Variants in YLPM1 observed in about 807,000 individuals in gnomAD.
YLPM1 encodes YLP motif-containing protein 1.
YLPM1 carries 99 observed loss-of-function variants against 230.0 expected under a neutral mutation model. The ratio of observed to expected loss-of-function variants is 0.43; its 90% CI spans 0.37 to 0.51. YLPM1 has a LOEUF of 0.51. Ranked by LOEUF, YLPM1 falls within the 20% of genes least tolerant of loss-of-function variation. The probability of loss-of-function intolerance (pLI) is 0.00; values close to 1 mark genes in which losing one functional copy is unlikely to be tolerated. For synonymous variants in YLPM1, 984 were observed against 942.5 expected, an observed-to-expected ratio of 1.04 and a Z score of -0.81; for missense variants, 2,592 against 2,707.7, an observed-to-expected ratio of 0.96 and a Z score of 0.95.
chr14:74,816,261 T>C lies in YLPM1; in HGVS notation c.5561T>C (p.Ile1854Thr). Residue 1854 changes from isoleucine (I) to threonine (T), a missense_variant, in exon 12 of 21, where the codon ATT (isoleucine) becomes ACT (threonine). By Grantham distance (89) the Ile-to-Thr change is moderately conservative. Coordinates refer to ENST00000325680, the MANE Select transcript of YLPM1 (RefSeq NM_019589.3). Reference sequence around the variant, plus strand: ...GGAAAGACACATGTTGCAAAACTTATTCGAGTGAGTATGGGGAAGCTGAAA... The same window carrying C: ...GGAAAGACACATGTTGCAAAACTTACTCGAGTGAGTATGGGGAAGCTGAAA... ...GSGKTHVAKL[I>T]RDKEVEFGGP... The C allele has an allele frequency of 6.2e-7, 1 of 1,611,708 alleles. No homozygotes were observed. The highest frequency in any genetic ancestry group is 8.5e-7 in the Non-Finnish European group (1 of 1,178,968).
At chr14:74,780,302 T>G in intron 2 of YLPM1, 103 bp from the exon 3 acceptor site, 2 of 1,387,352 alleles carry the variant, frequency 1.4e-6, no homozygotes, top group Non-Finnish European at 1.9e-6. Flanking sequence ...GACAGTTGGA[T>G]ATTTCTGAGT....
chr14:74,822,621 T>G (rs1376150936), intron 17 of YLPM1, among the ~76,000 whole-genome samples: 1 of 152,150 alleles, frequency 6.6e-6, no homozygotes, highest in African/African-American at 2.4e-5. Context: ...CTGACTTGAT[T>G]ATAAAACTTC....
intron 4 of YLPM1, among the ~76,000 whole-genome samples, chr14:74,791,802 G>A (rs560547345): frequency 7.9e-5 from 12 of 152,276 alleles, no homozygotes; most frequent in Admixed American, 2.6e-4. Context: ...ATCAGTATGT[G>A]TTCAGTGAAA....
chr14:74,764,160 A>T lies in YLPM1; in HGVS notation c.671A>T (p.Tyr224Phe). The change falls in exon 1 of 21, where the codon TAC becomes TTC. Residue 224 changes from tyrosine (Y) to phenylalanine (F), a missense_variant. Transcript: ENST00000325680. ...SQSYLSHSQSYLPSSQASPSR... is the reference protein window; with the variant it reads ...SQSYLSHSQSFLPSSQASPSR... ...TCCTATTTGAGCCATTCCCAGTCCT[A>T]CTTGCCCTCTTCTCAGGCATCTCCT... 1 of 1,611,988 alleles carries T rather than the reference A, an allele frequency of 6.2e-7. No homozygotes were observed. The highest frequency in any genetic ancestry group is 1.1e-5 in the South Asian group (1 of 90,978).
intron 4 of YLPM1, among the ~76,000 whole-genome samples, chr14:74,795,585 A>G (rs2091251816): frequency 6.6e-6 from 1 of 152,142 alleles, no homozygotes; most frequent in Non-Finnish European, 1.5e-5. Context: ...CTTATTTTAC[A>G]TCTCTCACTT....
At chr14:74,812,889 C>T (rs1594837344) in intron 11 of YLPM1, 107 bp downstream of exon 11, 2 of 1,365,662 alleles carry the variant, frequency 1.5e-6, no homozygotes, top group East Asian at 2.5e-5. Context: ...GTAATAATAT[C>T]AGATTCAAGA....
intron 16 of YLPM1, among the ~76,000 whole-genome samples, chr14:74,820,421 A>AT (rs956048164): frequency 5.4e-4 from 81 of 150,742 alleles, no homozygotes; most frequent in Middle Eastern, 3.4e-3. Context: ...CTAATTTTTT[A>AT]TTTTTTTTTA....
intron 17 of YLPM1, among the ~76,000 whole-genome samples, chr14:74,822,296 T>C (rs1341210557): frequency 1.3e-5 from 2 of 152,270 alleles, no homozygotes; most frequent in East Asian, 3.9e-4. Context: ...ACGTGAGAAG[T>C]CTATAATGTT....
chr14:74,777,929 C>G (rs1160541964), intron 1 of YLPM1, among the ~76,000 whole-genome samples: 1 of 151,644 alleles, frequency 6.6e-6, no homozygotes, highest in Non-Finnish European at 1.5e-5. Context: ...GAGCCATGTT[C>G]AGGCCATTGT....
chr14:74,785,802 G>A (rs1300116849), intron 4 of YLPM1, among the ~76,000 whole-genome samples: 1 of 152,084 alleles, frequency 6.6e-6, no homozygotes, highest in Non-Finnish European at 1.5e-5. Context: ...TTATAAAAAC[G>A]AGATTTCTAA....
chr14:74,831,568 A>G (rs1398836316), intron 19 of YLPM1, among the ~76,000 whole-genome samples: 1 of 152,218 alleles, frequency 6.6e-6, no homozygotes, highest in African/African-American at 2.4e-5. Flanking sequence ...AATCCCATGC[A>G]GTTTATTTTA....
intron 4 of YLPM1, among the ~76,000 whole-genome samples, chr14:74,790,387 G>A (rs1360045635): frequency 1.3e-5 from 2 of 152,140 alleles, no homozygotes; most frequent in African/African-American, 2.4e-5. Context: ...AAACAGGAAG[G>A]AATTTAATTC....
Position 74,782,006 on chromosome 14 carries a change from T to C in YLPM1, c.1963T>C (p.Ser655Pro), listed in dbSNP as rs139133029. ...AACAGCAGCCCCAGTTCCACCAGCC[T>C]CCAGTTCACAGAGCTCGCAAGTTCC... ...QLTAAPVPPA[S>P]SSQSSQVPEK... The change falls in exon 4 of 21, where the codon TCC (serine) becomes CCC (proline). Residue 655 changes from serine (S) to proline (P), a missense_variant. Coordinates refer to ENST00000325680, the MANE Select transcript of YLPM1 (RefSeq NM_019589.3). 6.2e-7 allele frequency: 1 copy of C among 1,613,722 alleles called. No homozygotes were observed. Among genetic ancestry groups the C allele is most frequent in the African/African-American group, 1.3e-5 (1 of 74,892 alleles).
At chr14:74,772,303 C>T (rs1247203887) in intron 1 of YLPM1, among the ~76,000 whole-genome samples, 2 of 151,270 alleles carry the variant, frequency 1.3e-5, no homozygotes, top group Non-Finnish European at 1.5e-5. Context: ...GATATTCGTG[C>T]CTCGGCAGCA....
intron 7 of YLPM1, 22 bp downstream of exon 7, chr14:74,809,819 G>A (rs2091416928): frequency 6.2e-7 from 1 of 1,612,136 alleles, no homozygotes; most frequent in African/African-American, 1.3e-5. Context: ...TAGTGCACTT[G>A]TATTTGGGAT....
In YLPM1 at chr14:74,764,162, T is replaced by C; in HGVS notation, c.673T>C (p.Leu225=). The C allele has an allele frequency of 3.1e-6, 5 of 1,613,198 alleles. No homozygotes were observed. Among genetic ancestry groups the C allele is most frequent in the Admixed American group, 1.7e-5 (1 of 59,924 alleles). The change falls in exon 1 of 21, where the codon TTG becomes CTG. Residue 225 remains leucine, a synonymous_variant. Transcript: ENST00000325680. ...CTATTTGAGCCATTCCCAGTCCTAC[T>C]TGCCCTCTTCTCAGGCATCTCCTTC... ...QSYLSHSQSY[L]PSSQASPSRP... is the part of the protein sequence containing the mutation.
In YLPM1 at chr14:74,797,674, C is replaced by T. The variant is rs2091277903; in HGVS notation, c.2377C>T (p.Pro793Ser). 1 of 1,609,914 alleles carries T rather than the reference C, an allele frequency of 6.2e-7. No individual in the cohort carries two copies. The highest frequency in any genetic ancestry group is 1.3e-5 in the African/African-American group (1 of 74,832). Residue 793 changes from proline (P) to serine (S), a missense_variant, in exon 5 of 21, where the codon CCA (proline) becomes TCA (serine). Physicochemically the swap from Pro to Ser is moderately conservative, Grantham distance 74. This residue lies in a region of YLPM1 where 1,862 missense variants were observed against 1,819.8 expected (regional missense o/e 1.02). Coordinates refer to ENST00000325680, the MANE Select transcript of YLPM1 (RefSeq NM_019589.3). ...TTTTGAAGGAAATCGCCCCGATGGG[C>T]CAAGACCCAGATATGAAGGTCACCC... ...PRFEGNRPDG[P>S]RPRYEGHPAE...
rs2091338873 is a variant in YLPM1, at chr14:74,802,591, TC to T, written c.4437del (p.Phe1479LeufsTer48). The T allele has an allele frequency of 6.2e-7, 1 of 1,613,010 alleles. No homozygotes were observed. The highest frequency in any genetic ancestry group is 1.3e-5 in the African/African-American group (1 of 74,850). On this transcript the variant is annotated frameshift_variant, in exon 6 of 21. Transcript: ENST00000325680. LOFTEE classifies it high-confidence loss of function. Reference sequence around the variant, plus strand: ...GAACAGCTTCAAAAGATGAAAGACTTCGGGTCTGAGCCACAGATGGCTGACC... The same window carrying T: ...GAACAGCTTCAAAAGATGAAAGACTTGGGTCTGAGCCACAGATGGCTGACC... ...QKEQLQKMKD[F>X]GSEPQMADHL...
intron 1 of YLPM1, among the ~76,000 whole-genome samples, chr14:74,773,931 GGCTGGTCTCGAACTCCT>G (rs1202648654): frequency 2.0e-5 from 3 of 151,906 alleles, no homozygotes; most frequent in Non-Finnish European, 2.9e-5. Flanking sequence ...GTGTTGGCCA[GGCTGGTCTCGAACTCCT>G]GACCTCAGGT....
Sources: allele counts gnomAD v4.1 joint callset (sites outside exome capture counted in the v4.1 genomes callset), GRCh38; gene constraint gnomAD v4.1.1; regional missense constraint gnomAD v4.1.1; transcripts MANE v1.5; gene names NCBI Gene and HGNC (gene_info 2026-07-23, HGNC 2026-07-21).